SLIT2: variants seen among roughly 807,000 people sequenced by gnomAD.
The protein encoded by SLIT2 is slit homolog 2 protein.
SLIT2 carries 41 observed loss-of-function variants against 185.7 expected under a neutral mutation model. The observed-to-expected ratio is 0.22, with a 90% CI of 0.17 to 0.29. SLIT2 has a LOEUF of 0.29. Ranked by LOEUF, SLIT2 falls within the 10% of genes least tolerant of loss-of-function variation. SLIT2 has a pLI of 1.00. For synonymous variants in SLIT2, 693 were observed against 680.2 expected (o/e 1.02, Z -0.29); for missense variants, 1,571 against 1,909.0 (o/e 0.82, Z 3.30).
At position 20,520,127 on chromosome 4, in the gene SLIT2, C is replaced by T. The variant is rs183546870; in HGVS notation, c.1130+674C>T. On this transcript the variant is annotated intron_variant, in intron 12 of 36. Coordinates refer to ENST00000504154, the MANE Select transcript of SLIT2 (RefSeq NM_004787.4). ...GGAGCGACAGTGCTGCAATAATTTC[C>T]TCAAACGGATGGTGTGCGGTGAGCT... Among the ~76,000 whole-genome samples, 127 of 151,758 alleles carry T rather than the reference C, an allele frequency of 8.4e-4. 1 individual carries two copies. The highest frequency in any genetic ancestry group is 2.9e-3 in the African/African-American group (121 of 41,406).
At chr4:20,344,468 A>T (rs1446136828) in intron 4 of SLIT2, among the ~76,000 whole-genome samples, 4 of 152,126 alleles carry the variant, frequency 2.6e-5, no homozygotes, top group African/African-American at 9.7e-5. Flanking sequence ...TTCTGCCTGC[A>T]TTGAAACACT....
At chr4:20,371,423 A>G (rs1484845914) in intron 4 of SLIT2, among the ~76,000 whole-genome samples, 1 of 152,090 alleles carries the variant, frequency 6.6e-6, no homozygotes, top group Non-Finnish European at 1.5e-5. Context: ...TGTTTCTCCA[A>G]TAGAAGCAGT....
At chr4:20,386,753 G>A (rs1254563546) in intron 4 of SLIT2, among the ~76,000 whole-genome samples, 3 of 152,180 alleles carry the variant, frequency 2.0e-5, no homozygotes, top group Admixed American at 2.0e-4. Flanking sequence ...AGAATAATCT[G>A]TAATTTATAA....
At chr4:20,491,637 TTATCATC>T in intron 8 of SLIT2, 117 bp from the exon 9 acceptor site, 1 of 769,374 alleles carries the variant, frequency 1.3e-6, no homozygotes. Flanking sequence ...TAGGACCATT[TTATCATC>T]ATGTATTTAA....
chr4:20,447,934 A>G (rs894372959), intron 4 of SLIT2, among the ~76,000 whole-genome samples: 7 of 152,208 alleles, frequency 4.6e-5, no homozygotes, highest in African/African-American at 1.4e-4. Flanking sequence ...GTTAAGAGGT[A>G]TTCACAGATT....
chr4:20,365,439 G>T (rs757268568), intron 4 of SLIT2, among the ~76,000 whole-genome samples: 12 of 152,074 alleles, frequency 7.9e-5, no homozygotes, highest in African/African-American at 2.7e-4. Flanking sequence ...GAAGGCTGCC[G>T]CACCTTCAAC....
chr4:20,299,519 A>G (rs1716841292), intron 4 of SLIT2, among the ~76,000 whole-genome samples: 1 of 152,076 alleles, frequency 6.6e-6, no homozygotes, highest in African/African-American at 2.4e-5. Context: ...ATGAGTTCCT[A>G]CTTTCTTTTC....
intron 5 of SLIT2, among the ~76,000 whole-genome samples, chr4:20,473,873 A>G (rs1224267974): frequency 1.3e-5 from 2 of 152,044 alleles, no homozygotes; most frequent in Non-Finnish European, 2.9e-5. Context: ...TAGGTTTGTC[A>G]TATAAGTTAG....
At chr4:20,532,113 TTTCAG>T (rs1721868110) in intron 17 of SLIT2, 55 bp downstream of exon 17, 18 of 1,023,508 alleles carry the variant, frequency 1.8e-5, no homozygotes, top group Non-Finnish European at 2.6e-5. Context: ...TGGGTGTTCA[TTTCAG>T]TTAAGTTTCT....
intron 4 of SLIT2, among the ~76,000 whole-genome samples, chr4:20,386,114 C>T (rs1383761389): frequency 6.6e-6 from 1 of 152,110 alleles, no homozygotes; most frequent in Non-Finnish European, 1.5e-5. Flanking sequence ...TGTATAAAAG[C>T]TCATGCATTT....
intron 4 of SLIT2, among the ~76,000 whole-genome samples, chr4:20,404,199 T>TA (rs1726584745): frequency 6.6e-6 from 1 of 152,012 alleles, no homozygotes; most frequent in Admixed American, 6.6e-5. Flanking sequence ...AAGAAGCTAT[T>TA]ACTAGTTTCT....
intron 5 of SLIT2, among the ~76,000 whole-genome samples, chr4:20,475,035 A>AGAT (rs1379280592): frequency 6.6e-6 from 1 of 151,790 alleles, no homozygotes; most frequent in Non-Finnish European, 1.5e-5. Context: ...GAAAGAGCAG[A>AGAT]GATGATTATT....
chr4:20,313,504 T>C (rs894620067), intron 4 of SLIT2, among the ~76,000 whole-genome samples: 1 of 152,110 alleles, frequency 6.6e-6, no homozygotes, highest in African/African-American at 2.4e-5. Flanking sequence ...CACATTTCAA[T>C]GTGAGATTTG....
intron 20 of SLIT2, among the ~76,000 whole-genome samples, chr4:20,542,219 A>G (rs1722857724): frequency 6.6e-6 from 1 of 152,210 alleles, no homozygotes; most frequent in African/African-American, 2.4e-5. Flanking sequence ...AATTAAAAAT[A>G]TAATTTGTAC....
rs758472757 is a variant in SLIT2 at position 20,619,017 on chromosome 4, C to T, written c.*8C>T. On this transcript the variant is annotated 3_prime_UTR_variant, in exon 37 of 37. Transcript: ENST00000504154. Reference sequence around the variant, plus strand: ...ACGAGGTGTGTGTCCTAAACACACTCCCGGCAGCTCTGTCTTTGGAAAAGG... The same window carrying T: ...ACGAGGTGTGTGTCCTAAACACACTTCCGGCAGCTCTGTCTTTGGAAAAGG... The T allele has an allele frequency of 6.2e-7, 1 of 1,604,088 alleles. No individual in the cohort carries two copies. Among genetic ancestry groups the T allele is most frequent in the Non-Finnish European group, 8.5e-7 (1 of 1,171,476 alleles).
chr4:20,500,166 G>A (rs12502179), intron 9 of SLIT2, among the ~76,000 whole-genome samples: 1 of 152,100 alleles, frequency 6.6e-6, no homozygotes. Flanking sequence ...ATAACAAGTA[G>A]GTTGGCAATT....
intron 4 of SLIT2, among the ~76,000 whole-genome samples, chr4:20,375,198 A>T (rs146067936): frequency 1.3e-5 from 2 of 152,162 alleles, no homozygotes. Flanking sequence ...TTGTAAGTGG[A>T]TTAATAGTAG....
At chr4:20,335,582 G>A (rs1000093389) in intron 4 of SLIT2, among the ~76,000 whole-genome samples, 4 of 152,128 alleles carry the variant, frequency 2.6e-5, no homozygotes, top group Admixed American at 1.3e-4. Context: ...AGCACAAGAT[G>A]GAAATATTTC....
At chr4:20,441,037 T>A (rs1729701571) in intron 4 of SLIT2, among the ~76,000 whole-genome samples, 1 of 148,162 alleles carries the variant, frequency 6.7e-6, no homozygotes, top group Non-Finnish European at 1.5e-5. Context: ...ACAACGGGAT[T>A]AAATGAAAAT....
Sources: gnomAD v4.1 joint callset for allele counts (sites outside exome capture counted in the v4.1 genomes callset) on GRCh38, gnomAD v4.1.1 for gene constraint, MANE v1.5 for transcripts, NCBI Gene and HGNC (gene_info 2026-07-23, HGNC 2026-07-21) for gene names.